GSE1: variants seen among roughly 807,000 people sequenced by gnomAD.
GSE1 encodes genetic suppressor element 1.
In GSE1, 32 loss-of-function variants were observed where a neutral mutation model predicts 112.6. The observed-to-expected ratio is 0.28, with a 90% CI of 0.21 to 0.38. The LOEUF (loss-of-function observed/expected upper bound fraction) is 0.38, where lower values mean the gene tolerates loss of function less well. Among genes scored for constraint, GSE1 ranks in the 10% least tolerant of loss-of-function variants. The probability of loss-of-function intolerance (pLI) is 1.00; values close to 1 mark genes in which losing one functional copy is unlikely to be tolerated. For synonymous variants in GSE1, 1,115 were observed against 735.6 expected (o/e 1.52, Z -8.35); for missense variants, 2,348 against 1,699.2 (o/e 1.38, Z -6.71).
upstream of GSE1, chr16:85,613,053 C>T: frequency 2.4e-6 from 1 of 415,492 alleles, no homozygotes; most frequent in Non-Finnish European, 4.0e-6. Context: ...CCGGCCGGGC[C>T]GGGGAGGGGC....
intron 2 of GSE1, among the ~76,000 whole-genome samples, chr16:85,445,195 T>C (rs1332255191): frequency 6.6e-6 from 1 of 152,130 alleles, no homozygotes; most frequent in Non-Finnish European, 1.5e-5. Context: ...CCCTCCCCCA[T>C]GGGGCCCCTT....
At chr16:85,588,612 C>T (rs1386181344) in intron 1 of GSE1, among the ~76,000 whole-genome samples, 2 of 152,220 alleles carry the variant, frequency 1.3e-5, no homozygotes, top group East Asian at 3.8e-4. Flanking sequence ...GATTGATAGG[C>T]CCTGTCTGTG....
chr16:85,470,266 C>T (rs1176872361), intron 2 of GSE1, among the ~76,000 whole-genome samples: 1 of 152,236 alleles, frequency 6.6e-6, no homozygotes, highest in Non-Finnish European at 1.5e-5. Flanking sequence ...CTGGGGCCAG[C>T]CAGCGGGGGT....
chr16:85,216,516 A>G (rs938975993), intron 1 of GSE1, among the ~76,000 whole-genome samples: 1 of 152,244 alleles, frequency 6.6e-6, no homozygotes, highest in Non-Finnish European at 1.5e-5. Context: ...TTAAGTAGTC[A>G]TAAGAAATAG....
chr16:85,366,213 C>T (rs1261671146), intron 2 of GSE1, among the ~76,000 whole-genome samples: 1 of 152,264 alleles, frequency 6.6e-6, no homozygotes, highest in East Asian at 1.9e-4. Context: ...GCTTTGACAC[C>T]AGGCGCTCCC....
chr16:85,665,050 AAGC>A lies in GSE1; in HGVS notation c.2683_2685del (p.Gln895del). Reference sequence around the variant, plus strand: ...ACTTGTTGAAATGCTCCGTGCCATGAAGCAGAAGGCACTGTCAGCAGCAGTGGC... The same window carrying A: ...ACTTGTTGAAATGCTCCGTGCCATGAAGAAGGCACTGTCAGCAGCAGTGGC... On this transcript the variant is annotated inframe_deletion, in exon 12 of 16. Transcript: ENST00000253458. The A allele has an allele frequency of 6.2e-7, 1 of 1,611,854 alleles. No homozygotes were observed. Among genetic ancestry groups the A allele is most frequent in the Admixed American group, 1.7e-5 (1 of 60,016 alleles).
chr16:85,226,064 G>A (rs1463239195), intron 1 of GSE1, among the ~76,000 whole-genome samples: 2 of 152,194 alleles, frequency 1.3e-5, no homozygotes, highest in East Asian at 3.9e-4. Context: ...CCTAAGCAAG[G>A]TGGATGCTGC....
intron 1 of GSE1, among the ~76,000 whole-genome samples, chr16:85,331,707 ATTTTTTT>A (rs566551746): frequency 0.018 from 936 of 51,952 alleles, 20 homozygotes; most frequent in African/African-American, 0.052. Context: ...ATATATATAT[ATTTTTTT>A]TTTTTTTTTT....
At chr16:85,297,175 C>T (rs571851847) in intron 1 of GSE1, among the ~76,000 whole-genome samples, 1 of 152,358 alleles carries the variant, frequency 6.6e-6, no homozygotes, top group Admixed American at 6.5e-5. Context: ...GGAGACGGCG[C>T]TTCCTCTTCC....
intron 1 of GSE1, among the ~76,000 whole-genome samples, chr16:85,268,163 G>C (rs1389925858): frequency 6.6e-6 from 1 of 152,144 alleles, no homozygotes; most frequent in Non-Finnish European, 1.5e-5. Context: ...GCCTTGGGGG[G>C]ATTGCTTGGG....
intron 1 of GSE1, among the ~76,000 whole-genome samples, chr16:85,181,862 C>T (rs1040522172): frequency 1.3e-5 from 2 of 152,216 alleles, no homozygotes; most frequent in Non-Finnish European, 2.9e-5. Context: ...GTCCCGAGAG[C>T]ATGGCGGGGC....
chr16:85,529,801 CT>C (rs1670153841), intron 2 of GSE1, among the ~76,000 whole-genome samples: 1 of 152,224 alleles, frequency 6.6e-6, no homozygotes, highest in African/African-American at 2.4e-5. Flanking sequence ...GCCAGAAAGG[CT>C]GTCTTCCTGA....
chr16:85,184,432 C>G (rs565918756), intron 1 of GSE1, among the ~76,000 whole-genome samples: 1 of 152,326 alleles, frequency 6.6e-6, no homozygotes, highest in South Asian at 2.1e-4. Flanking sequence ...AAATTTCTAA[C>G]CTCAGTGATG....
At chr16:85,379,348 C>G (rs7204951) in intron 2 of GSE1, among the ~76,000 whole-genome samples, 2,225 of 152,340 alleles carry the variant, frequency 0.015, 49 homozygotes, top group African/African-American at 0.052. Flanking sequence ...CCCCCAGTGC[C>G]TAGAATGGTG....
In GSE1 at chr16:85,373,001, A is replaced by G. The variant is rs2047335025; in HGVS notation, c.2464+15358A>G. 2.0e-5 allele frequency among the ~76,000 whole-genome samples: 3 copies of G among 152,256 alleles called. No homozygotes were observed. The South Asian group carries it at 6.2e-4, about 31-fold the overall frequency. ...TCCTGACCTCAGTTACAGGAAGTCC[A>G]CCGGTTAGGAAAGTGTTCTCTAAAC... On this transcript the variant is annotated intron_variant, in intron 2 of 2. Transcript: ENST00000637419. This position sits in a 1 kb window ranked among gnomAD's most constrained non-coding sequence, Gnocchi z 5.1.
chr16:85,319,211 C>T (rs2046047631), intron 1 of GSE1, among the ~76,000 whole-genome samples: 2 of 152,306 alleles, frequency 1.3e-5, no homozygotes, highest in South Asian at 4.2e-4. Context: ...CACTAGCTTT[C>T]CACCATCAGT....
At chr16:85,667,838 C>G (rs865800699) in intron 13 of GSE1, among the ~76,000 whole-genome samples, 2 of 152,112 alleles carry the variant, frequency 1.3e-5, no homozygotes, top group South Asian at 2.1e-4. Flanking sequence ...AGCCTGCTAC[C>G]CAGAGGACTG....
At chr16:85,239,356 C>G (rs368925394) in intron 1 of GSE1, among the ~76,000 whole-genome samples, 17 of 152,186 alleles carry the variant, frequency 1.1e-4, no homozygotes, top group African/African-American at 4.1e-4. Context: ...GTATTGAGCA[C>G]CAGGTGTGAG....
intron 2 of GSE1, among the ~76,000 whole-genome samples, chr16:85,391,316 A>G (rs2047834261): frequency 6.6e-6 from 1 of 152,254 alleles, no homozygotes; most frequent in Admixed American, 6.5e-5. Context: ...TCAATTGAGT[A>G]AACTGAGGCA....
Sources: allele counts gnomAD v4.1 joint callset (sites outside exome capture counted in the v4.1 genomes callset), GRCh38; gene constraint gnomAD v4.1.1; non-coding constraint Gnocchi (gnomAD v3.1); transcripts MANE v1.5; gene names NCBI Gene and HGNC (gene_info 2026-07-23, HGNC 2026-07-21).